The following DHX30 variants were observed in gnomAD, a reference collection of about 807,000 sequenced individuals.
The protein encoded by DHX30 is DExH-box helicase 30.
DHX30 carries 4 observed loss-of-function variants against 116.9 expected under a neutral mutation model. That is an observed-to-expected ratio of 0.03 (90% confidence interval 0.02 to 0.08). The LOEUF is 0.08. Ranked by LOEUF, DHX30 falls within the 10% of genes least tolerant of loss-of-function variation. The pLI, the probability that DHX30 is intolerant of heterozygous loss-of-function variation, is 1.00. For synonymous variants in DHX30, 697 were observed against 651.7 expected (o/e 1.07, Z -1.06); for missense variants, 871 against 1,595.1 (o/e 0.55, Z 7.73).
rs146788196 is a variant in DHX30 at position 47,807,129 on chromosome 3, C to T, written c.-28+1709C>T. ...ACTGAGACAGGAGAATCATTTGAAT[C>T]CGGGAGGTGGAGGTTGTAGTGAGCA... On this transcript the variant is annotated intron_variant, in intron 2 of 21. Coordinates refer to ENST00000445061, the MANE Select transcript of DHX30 (RefSeq NM_138615.3). Among the ~76,000 whole-genome samples, 403 of 151,802 alleles carry T rather than the reference C, an allele frequency of 2.7e-3. 2 individuals carry two copies. The highest frequency in any genetic ancestry group is 4.0e-3 in the Non-Finnish European group (275 of 67,926).
At chr3:47,807,703 CAAA>C (rs1202083372) in intron 2 of DHX30, among the ~76,000 whole-genome samples, 2 of 32,732 alleles carry the variant, frequency 6.1e-5, no homozygotes, top group East Asian at 1.1e-3. Flanking sequence ...GACTCTGTCT[CAAA>C]AAAAAAAAAA....
Position 47,810,602 on chromosome 3 carries a change from T to TG in DHX30, c.-27-52dup. ...CTCCATGTTACTGAAGTCTTCTTTG[T>TG]GGGTTGCTGGACCAGGAATATTAAC... On this transcript the variant is annotated intron_variant, in intron 2 of 21. Coordinates refer to ENST00000445061, the MANE Select transcript of DHX30 (RefSeq NM_138615.3). The TG allele has an allele frequency of 7.7e-6, 11 of 1,421,476 alleles. No homozygotes were observed. The South Asian group carries it at 1.3e-4, about 16-fold the overall frequency. 88.1% of individuals were successfully genotyped at this position (1,421,476 alleles called of 1,614,324 possible). A position where few individuals can be genotyped will look rare whatever the true frequency, so the allele number is the denominator to read the frequency against.
Position 47,805,407 on chromosome 3 carries a change from A to G in DHX30, c.-41A>G, listed in dbSNP as rs889210366. ...AAAGCCTACAAAATCTGAGACTGTC[A>G]TTGCTTTTATAAGGTAAGTTGATTT... On this transcript the variant is annotated 5_prime_UTR_variant, in exon 2 of 22. Transcript: ENST00000445061. 1.0e-5 allele frequency: 4 copies of G among 398,962 alleles called. No homozygotes were observed. The highest frequency in any genetic ancestry group is 4.1e-5 in the African/African-American group (2 of 48,638). The allele number at this position is 398,962 out of a possible 1,614,324, so 24.7% of individuals were successfully genotyped here.
chr3:47,843,947 C>G (rs1231053282), intron 9 of DHX30, among the ~76,000 whole-genome samples: 2 of 152,242 alleles, frequency 1.3e-5, no homozygotes, highest in African/African-American at 4.8e-5. Flanking sequence ...ATCAGTCTTT[C>G]TACCTTCACT....
At chr3:47,816,107 AG>A in intron 3 of DHX30, 1 of 985,180 alleles carries the variant, frequency 1.0e-6, no homozygotes, top group Non-Finnish European at 1.2e-6. Flanking sequence ...AGATCCTACA[AG>A]CACGTCTGCT....
intron 4 of DHX30, among the ~76,000 whole-genome samples, chr3:47,821,435 T>G (rs1279784233): frequency 2.6e-5 from 4 of 151,974 alleles, no homozygotes; most frequent in African/African-American, 7.3e-5. Flanking sequence ...CTGGCTAATT[T>G]TTTGTATTTT....
chr3:47,806,866 T>C (rs2106925925), intron 2 of DHX30, among the ~76,000 whole-genome samples: 1 of 152,122 alleles, frequency 6.6e-6, no homozygotes, highest in Non-Finnish European at 1.5e-5. Flanking sequence ...GTGATGGGAT[T>C]ACAGGCGTGA....
At chr3:47,824,106 G>T (rs564101684) in intron 4 of DHX30, among the ~76,000 whole-genome samples, 2 of 149,070 alleles carry the variant, frequency 1.3e-5, no homozygotes, top group African/African-American at 2.5e-5. Flanking sequence ...GGGTTCAAGC[G>T]ATTCTCCTGC....
intron 19 of DHX30, 23 bp from the exon 20 acceptor site, chr3:47,849,428 C>G (rs767942050): frequency 6.4e-7 from 1 of 1,571,256 alleles, no homozygotes; most frequent in South Asian, 1.2e-5. Context: ...CAGCCCCACC[C>G]GTCTTTTCCT....
intron 4 of DHX30, among the ~76,000 whole-genome samples, chr3:47,820,475 A>G (rs570463398): frequency 2.0e-5 from 3 of 152,110 alleles, no homozygotes; most frequent in African/African-American, 7.2e-5. Flanking sequence ...CGTGTAATAT[A>G]TGTATATATG....
At chr3:47,839,693 G>T (rs1452990984) in intron 6 of DHX30, among the ~76,000 whole-genome samples, 1 of 150,578 alleles carries the variant, frequency 6.6e-6, no homozygotes, top group Non-Finnish European at 1.5e-5. Context: ...TTGTTTGTTT[G>T]TTTTTTTGTG....
intron 3 of DHX30, among the ~76,000 whole-genome samples, chr3:47,811,924 C>T (rs1189724217): frequency 6.6e-6 from 1 of 152,026 alleles, no homozygotes; most frequent in Non-Finnish European, 1.5e-5. Context: ...ATTATCCAGG[C>T]GTGGCAGTCT....
chr3:47,840,819 A>C (rs1416153872), intron 6 of DHX30, 58 bp from the exon 7 acceptor site: 1 of 1,606,652 alleles, frequency 6.2e-7, no homozygotes, highest in Non-Finnish European at 8.5e-7. Context: ...GACACGGACC[A>C]GGCCGACTGA....
intron 3 of DHX30, 66 bp from the exon 4 acceptor site, chr3:47,817,956 A>C: frequency 2.6e-6 from 2 of 780,442 alleles, no homozygotes; most frequent in East Asian, 4.8e-5. Context: ...TGAGTGAGTC[A>C]GTTCAGGGGT....
intron 6 of DHX30, among the ~76,000 whole-genome samples, chr3:47,833,267 G>A (rs1223754825): frequency 6.6e-6 from 1 of 151,996 alleles, no homozygotes; most frequent in East Asian, 1.9e-4. Context: ...GCTCATGCCT[G>A]TAATTCCAGC....
chr3:47,831,252 C>T (rs972307072), intron 6 of DHX30: 2 of 152,038 alleles, frequency 1.3e-5, no homozygotes, highest in African/African-American at 4.8e-5. Flanking sequence ...TGGTGTGTCC[C>T]ACAGCAAGAG....
intron 6 of DHX30, among the ~76,000 whole-genome samples, chr3:47,833,886 A>G (rs562482714): frequency 6.6e-6 from 1 of 152,120 alleles, no homozygotes; most frequent in Non-Finnish European, 1.5e-5. Flanking sequence ...GTATTCTCTT[A>G]GCAAATTTCC....
At chr3:47,817,336 ACTCAGTGC>A (rs1303952300) in intron 3 of DHX30, among the ~76,000 whole-genome samples, 1 of 152,094 alleles carries the variant, frequency 6.6e-6, no homozygotes, top group Non-Finnish European at 1.5e-5. Context: ...CCCGTGGAAG[ACTCAGTGC>A]CTTAATTTTC....
chr3:47,820,789 C>CT lies in DHX30; in HGVS notation c.124+2678dup, dbSNP rs534222991. Among the ~76,000 whole-genome samples the CT allele has an allele frequency of 7.4e-4, 112 of 152,142 alleles. 1 individual carries two copies. Among genetic ancestry groups the CT allele is most frequent in the African/African-American group, 2.6e-3 (110 of 41,518 alleles). On this transcript the variant is annotated intron_variant, in intron 4 of 21. Transcript: ENST00000445061. The stretch of plus-strand genomic sequence containing the variant: ...AGATTGCTGAGCCAGTAAATGCTTT[C>CT]TTTTTTCAGAACTTCCCTCCTTTTT...
Sources: allele counts gnomAD v4.1 joint callset (sites outside exome capture counted in the v4.1 genomes callset), GRCh38; gene constraint gnomAD v4.1.1; transcripts MANE v1.5; gene names NCBI Gene and HGNC (gene_info 2026-07-23, HGNC 2026-07-21).